The following ERC1 variants were observed in gnomAD, a reference collection of about 807,000 sequenced individuals.
The protein encoded by ERC1 is ELKS/RAB6-interacting/CAST family member 1, also known as RAB6 interacting protein 2.
A neutral mutation model predicts 132.0 loss-of-function variants in ERC1; 56 were observed. The ratio of observed to expected loss-of-function variants is 0.42; its 90% CI spans 0.34 to 0.53. ERC1 has a LOEUF of 0.53. Ranked by LOEUF, ERC1 falls within the 20% of genes least tolerant of loss-of-function variation. The probability of loss-of-function intolerance (pLI) is 0.03; values close to 1 mark genes in which losing one functional copy is unlikely to be tolerated. For missense variants in ERC1, 1,202 were observed against 1,349.9 expected (o/e 0.89, Z 1.72); for synonymous variants, 478 against 476.1 (o/e 1.00, Z -0.05).
Position 1,112,312 on chromosome 12 carries a change from G to C in ERC1, c.1401+14G>C. ...CTTCAGGCTGAGGTCTTTGCCGTAA[G>C]ATTTACCTCTTTGTGTGCAGTGGTC... On this transcript the variant is annotated intron_variant, in intron 6 of 18. Transcript: ENST00000360905. 1 of 1,598,840 alleles carries C rather than the reference G, an allele frequency of 6.3e-7. No individual in the cohort carries two copies. Among genetic ancestry groups the C allele is most frequent in the Non-Finnish European group, 8.6e-7 (1 of 1,166,438 alleles).
intron 2 of ERC1, among the ~76,000 whole-genome samples, chr12:1,080,114 C>T (rs1302485650): frequency 6.6e-6 from 1 of 152,214 alleles, no homozygotes; most frequent in Admixed American, 6.5e-5. Flanking sequence ...AACATCTTCT[C>T]TCCAACCAAT....
At chr12:1,076,346 T>A (rs1941330898) in intron 2 of ERC1, among the ~76,000 whole-genome samples, 1 of 152,108 alleles carries the variant, frequency 6.6e-6, no homozygotes, top group South Asian at 2.1e-4. Context: ...CAGTTGGGAT[T>A]TAAGAATTAC....
At position 1,488,943 on chromosome 12, in the gene ERC1, G is replaced by C. The variant is rs1214577072; in HGVS notation, c.3214-1150G>C. Among the ~76,000 whole-genome samples the C allele has an allele frequency of 5.3e-5, 8 of 152,120 alleles. 1 individual carries two copies. In the East Asian group the frequency reaches 1.3e-3, roughly 26 times the overall value. Reference sequence around the variant, plus strand: ...GGGCTGCGAGCAGGAGCTGCCCTTGGTGGACTCTTCCTTCTGCTCAGTCTG... The same window carrying C: ...GGGCTGCGAGCAGGAGCTGCCCTTGCTGGACTCTTCCTTCTGCTCAGTCTG... On this transcript the variant is annotated intron_variant, in intron 18 of 18. Coordinates refer to ENST00000360905, the MANE Select transcript of ERC1 (RefSeq NM_178040.4).
At chr12:1,097,068 A>C (rs975263674) in intron 3 of ERC1, among the ~76,000 whole-genome samples, 1 of 152,162 alleles carries the variant, frequency 6.6e-6, no homozygotes, top group African/African-American at 2.4e-5. Context: ...TAAATCTCTT[A>C]ATTACCGATT....
intron 4 of ERC1, among the ~76,000 whole-genome samples, chr12:1,107,038 A>C (rs1281257341): frequency 1.3e-5 from 2 of 152,202 alleles, no homozygotes; most frequent in Non-Finnish European, 2.9e-5. Context: ...TTGAAGTAAA[A>C]GAGCCCAGTA....
chr12:1,260,257 T>C (rs1012134099), intron 13 of ERC1, among the ~76,000 whole-genome samples: 2 of 152,230 alleles, frequency 1.3e-5, no homozygotes, highest in Non-Finnish European at 2.9e-5. Context: ...TTACTCAAAT[T>C]GTCTTCTACT....
At chr12:1,424,026 G>A (rs1024661100) in intron 17 of ERC1, among the ~76,000 whole-genome samples, 3 of 151,888 alleles carry the variant, frequency 2.0e-5, no homozygotes, top group African/African-American at 7.3e-5. Context: ...GGTTTCGTGT[G>A]TGTATGTACG....
intron 15 of ERC1, among the ~76,000 whole-genome samples, chr12:1,329,720 G>T (rs889827470): frequency 6.6e-6 from 1 of 152,148 alleles, no homozygotes; most frequent in African/African-American, 2.4e-5. Context: ...AAAATAAGTG[G>T]ATGTTAAAGT....
At chr12:1,413,518 T>TG (rs1414036220) in intron 17 of ERC1, among the ~76,000 whole-genome samples, 4 of 151,822 alleles carry the variant, frequency 2.6e-5, no homozygotes, top group South Asian at 2.1e-4. Flanking sequence ...CACTTGAACC[T>TG]GGGGGGCAGA....
intron 2 of ERC1, among the ~76,000 whole-genome samples, chr12:1,033,539 C>T (rs1314808197): frequency 1.3e-5 from 2 of 151,890 alleles, no homozygotes; most frequent in Non-Finnish European, 2.9e-5. Flanking sequence ...TCTCGGCTTA[C>T]TGGAAGCTCT....
chr12:1,072,240 T>G (rs75442692), intron 2 of ERC1, among the ~76,000 whole-genome samples: 1,608 of 152,316 alleles, frequency 0.011, 11 homozygotes, highest in Non-Finnish European at 0.015. Flanking sequence ...AATGTCTGTC[T>G]GGAAATAATG....
intron 15 of ERC1, among the ~76,000 whole-genome samples, chr12:1,321,342 G>A (rs372228225): frequency 6.6e-6 from 1 of 152,014 alleles, no homozygotes; most frequent in African/African-American, 2.4e-5. Flanking sequence ...GTGTGTGTGT[G>A]TATATTTTGC....
intron 13 of ERC1, among the ~76,000 whole-genome samples, chr12:1,242,565 C>T (rs1371788802): frequency 6.6e-6 from 1 of 152,092 alleles, no homozygotes; most frequent in South Asian, 2.1e-4. Context: ...TTGTATTCAC[C>T]TATAAAATAA....
chr12:1,331,749 C>G (rs2082880822), intron 15 of ERC1, among the ~76,000 whole-genome samples: 1 of 152,152 alleles, frequency 6.6e-6, no homozygotes, highest in East Asian at 1.9e-4. Flanking sequence ...TTCTAGCTCC[C>G]CGAGGCTGCT....
chr12:1,494,315 G>C lies in ERC1; in HGVS notation c.*4085G>C, dbSNP rs1032226098. ...GCCAGCCCTGGGCTGCTCAGGAGGG[G>C]ACGTGAACCACTCAAAGGAATGTCT... On this transcript the variant is annotated 3_prime_UTR_variant, in exon 19 of 19. Transcript: ENST00000360905. The C allele has an allele frequency of 4.3e-6, 1 of 231,642 alleles. No homozygotes were observed. The highest frequency in any genetic ancestry group is 2.2e-5 in the African/African-American group (1 of 45,242). 14.3% of individuals were successfully genotyped at this position (231,642 alleles called of 1,614,324 possible). A position where few individuals can be genotyped will look rare whatever the true frequency, so the allele number is the denominator to read the frequency against.
intron 17 of ERC1, among the ~76,000 whole-genome samples, chr12:1,440,433 C>G (rs1204307303): frequency 6.7e-6 from 1 of 150,274 alleles, no homozygotes; most frequent in Non-Finnish European, 1.5e-5. Context: ...GTCTCGATCT[C>G]CTGACCTCGT....
Position 1,444,601 on chromosome 12 carries a change from A to G in ERC1, c.3064A>G (p.Lys1022Glu). The G allele has an allele frequency of 6.2e-7, 1 of 1,613,870 alleles. No homozygotes were observed. Among genetic ancestry groups the G allele is most frequent in the Non-Finnish European group, 8.5e-7 (1 of 1,179,842 alleles). ...CTTAGAACTTGACCAAAATAGAAGT[A>G]AATTAAAGTTGTACATTGGACACCT... Reference protein sequence around the residue: ...PLLELDQNRSKLKLYIGHLTT... With the variant: ...PLLELDQNRSELKLYIGHLTT... The change falls in exon 18 of 19, where the codon AAA becomes GAA. Residue 1022 changes from lysine to glutamate, a missense_variant. Coordinates refer to ENST00000360905, the MANE Select transcript of ERC1 (RefSeq NM_178040.4).
chr12:1,321,427 A>G (rs1163842414), intron 15 of ERC1, among the ~76,000 whole-genome samples: 1 of 152,166 alleles, frequency 6.6e-6, no homozygotes, highest in African/African-American at 2.4e-5. Context: ...TACAATGCGG[A>G]GCCTACTTGT....
intron 8 of ERC1, among the ~76,000 whole-genome samples, chr12:1,175,382 CA>C (rs1953579588): frequency 6.6e-6 from 1 of 151,712 alleles, no homozygotes; most frequent in Admixed American, 6.6e-5. Context: ...ACTGCTTCAT[CA>C]ACTAAGTTTA....
Sources: gnomAD v4.1 joint callset for allele counts (sites outside exome capture counted in the v4.1 genomes callset) on GRCh38, gnomAD v4.1.1 for gene constraint, MANE v1.5 for transcripts, NCBI Gene and HGNC (gene_info 2026-07-23, HGNC 2026-07-21) for gene names.